Variants in MROH2B observed in about 807,000 individuals in gnomAD.
MROH2B encodes maestro heat-like repeat-containing protein family member 2B.
Under a neutral mutation model 208.6 loss-of-function variants are expected in MROH2B, and 177 were observed. The observed-to-expected ratio is 0.85, with a 90% CI of 0.75 to 0.96. The LOEUF (loss-of-function observed/expected upper bound fraction) is 0.96, where lower values mean the gene tolerates loss of function less well. Ranked by LOEUF, MROH2B falls within the 40% of genes least tolerant of loss-of-function variation. MROH2B has a pLI of 0.00. For synonymous variants in MROH2B, 728 were observed against 659.0 expected, an observed-to-expected ratio of 1.10 and a Z score of -1.60; for missense variants, 2,002 against 1,878.7, an observed-to-expected ratio of 1.07 and a Z score of -1.21.
chr5:41,019,380 G>A (rs1742070649), intron 24 of MROH2B, among the ~76,000 whole-genome samples: 1 of 152,138 alleles, frequency 6.6e-6, no homozygotes, highest in Non-Finnish European at 1.5e-5. Flanking sequence ...GAGAATGATA[G>A]AGAGAGATAT....
At chr5:41,049,528 C>T in intron 13 of MROH2B, 92 bp from the exon 14 acceptor site, 1 of 1,444,982 alleles carries the variant, frequency 6.9e-7, no homozygotes, top group South Asian at 1.5e-5. Flanking sequence ...GATTTAGAAG[C>T]TTTTCTCCTG....
rs112065077 is a variant in MROH2B, at chr5:41,055,377, G to A, written c.1033+365C>T. ...TTTCTGGAATAAAATATGGCAATTC[G>A]TTAAATTCTGCTTTTTTGTAAACGT... On this transcript the variant is annotated intron_variant, in intron 10 of 41. Coordinates refer to ENST00000399564, the MANE Select transcript of MROH2B (RefSeq NM_173489.5). Among the ~76,000 whole-genome samples, 1,149 of 152,202 alleles carry A rather than the reference G, an allele frequency of 7.5e-3. 10 individuals carry two copies. The highest frequency in any genetic ancestry group is 0.019 in the South Asian group (91 of 4,816).
At chr5:41,016,533 C>T (rs1432144325) in intron 28 of MROH2B, among the ~76,000 whole-genome samples, 1 of 109,160 alleles carries the variant, frequency 9.2e-6, no homozygotes, top group Non-Finnish European at 1.7e-5. Flanking sequence ...GAGACAGTCT[C>T]CCAGGTGTGA....
At chr5:40,999,935 C>G in intron 39 of MROH2B, 156 bp from the exon 40 acceptor site, 1 of 710,078 alleles carries the variant, frequency 1.4e-6, no homozygotes. Context: ...GTATTTTGAT[C>G]TACATTTAAT....
intron 30 of MROH2B, among the ~76,000 whole-genome samples, chr5:41,011,898 C>A (rs1741784898): frequency 6.6e-6 from 1 of 152,172 alleles, no homozygotes; most frequent in African/African-American, 2.4e-5. Context: ...AAACTCCTGT[C>A]CTCAAGTGAT....
intron 38 of MROH2B, 67 bp from the exon 39 acceptor site, chr5:41,000,418 G>A: frequency 6.3e-7 from 1 of 1,580,250 alleles, no homozygotes; most frequent in Non-Finnish European, 8.6e-7. Flanking sequence ...GGGAAAAAAT[G>A]CTGAATAGTA....
At chr5:41,011,441 T>C (rs1198127585) in intron 30 of MROH2B, among the ~76,000 whole-genome samples, 1 of 152,172 alleles carries the variant, frequency 6.6e-6, no homozygotes, top group Admixed American at 6.5e-5. Context: ...CAATTTTGGC[T>C]GTCTCATGTC....
chr5:41,024,680 C>T (rs1399968844), intron 24 of MROH2B, among the ~76,000 whole-genome samples: 5 of 152,192 alleles, frequency 3.3e-5, no homozygotes, highest in African/African-American at 4.8e-5. Context: ...CTGCACCAAG[C>T]AGACCTAGTA....
chr5:41,009,070 A>G (rs1718298383), intron 32 of MROH2B, among the ~76,000 whole-genome samples: 1 of 152,142 alleles, frequency 6.6e-6, no homozygotes, highest in Non-Finnish European at 1.5e-5. Context: ...ATATAGATAC[A>G]TAGGTTTTTT....
intron 19 of MROH2B, among the ~76,000 whole-genome samples, chr5:41,040,770 A>G (rs951881638): frequency 1.3e-5 from 2 of 151,986 alleles, no homozygotes; most frequent in African/African-American, 4.8e-5. Context: ...GGTTCACGCG[A>G]TTCTCTTGCC....
intron 1 of MROH2B, among the ~76,000 whole-genome samples, chr5:41,070,347 A>G (rs1488519701): frequency 2.0e-5 from 3 of 152,174 alleles, no homozygotes; most frequent in Non-Finnish European, 4.4e-5. Flanking sequence ...AACTGGAAAA[A>G]AAATTGAGTC....
chr5:41,058,967 G>T (rs1169920672), intron 6 of MROH2B, among the ~76,000 whole-genome samples: 1 of 148,096 alleles, frequency 6.8e-6, no homozygotes, highest in Non-Finnish European at 1.5e-5. Flanking sequence ...AGAATCACTT[G>T]AACCTGGGAG....
chr5:41,065,433 C>T lies in MROH2B; in HGVS notation c.259G>A (p.Asp87Asn). The stretch of plus-strand genomic sequence containing the variant: ...ACTTCATACATCACAGAGTTGAAAT[C>T]ATGTGCAGCAAGAGACACCAAAACC... ...GEVLVSLAAHDFNSVMYEVQS... is the reference protein window; with the variant it reads ...GEVLVSLAAHNFNSVMYEVQS... The change falls in exon 4 of 42, where the codon GAT becomes AAT. Residue 87 changes from aspartate to asparagine, a missense_variant. Transcript: ENST00000399564. The T allele has an allele frequency of 6.2e-7, 1 of 1,613,480 alleles. No homozygotes were observed. The highest frequency in any genetic ancestry group is 8.5e-7 in the Non-Finnish European group (1 of 1,179,676).
chr5:41,057,706 G>A (rs929534949), intron 7 of MROH2B, among the ~76,000 whole-genome samples: 30 of 151,360 alleles, frequency 2.0e-4, no homozygotes, highest in Non-Finnish European at 3.5e-4. Flanking sequence ...ATGGGCATGC[G>A]CCACCATGCC....
intron 9 of MROH2B, among the ~76,000 whole-genome samples, 194 bp downstream of exon 9, chr5:41,056,915 C>T (rs796896205): frequency 6.8e-4 from 103 of 152,290 alleles, no homozygotes; most frequent in African/African-American, 2.4e-3. Flanking sequence ...CATCATTGGC[C>T]ATTCTTCCCG....
rs746522727 is a variant in MROH2B, at chr5:41,005,161, A to G, written c.3865-241T>C. ...CCTGCATAACAGATGTCTAGTCTCA[A>G]TGGAAAATGGGGCAGGGAAAACAGG... is the stretch of plus-strand genomic sequence containing the variant. On this transcript the variant is annotated intron_variant, in intron 35 of 41. Coordinates refer to ENST00000399564, the MANE Select transcript of MROH2B (RefSeq NM_173489.5). 250 of 545,754 alleles carry G rather than the reference A, an allele frequency of 4.6e-4. 1 individual carries two copies. The highest frequency in any genetic ancestry group is 3.7e-4 in the Admixed American group (11 of 29,366). 33.8% of individuals were successfully genotyped at this position (545,754 alleles called of 1,614,324 possible).
In MROH2B at chr5:41,010,360, C is replaced by T. The variant is rs191715261; in HGVS notation, c.3136-281G>A. ...TTACCAAAGATGAAAAAGATGTACC[C>T]TTTTTGCAAAATGAGTGATCCAATA... is the stretch of plus-strand genomic sequence containing the variant. On this transcript the variant is annotated intron_variant, in intron 30 of 41. Coordinates refer to ENST00000399564, the MANE Select transcript of MROH2B (RefSeq NM_173489.5). Among the ~76,000 whole-genome samples the T allele has an allele frequency of 1.4e-3, 215 of 152,240 alleles. 1 individual carries two copies. The highest frequency in any genetic ancestry group is 2.3e-3 in the Non-Finnish European group (157 of 68,014).
intron 10 of MROH2B, among the ~76,000 whole-genome samples, chr5:41,055,376 C>T (rs928662518): frequency 6.6e-6 from 1 of 152,136 alleles, no homozygotes; most frequent in African/African-American, 2.4e-5. Flanking sequence ...TATGGCAATT[C>T]GTTAAATTCT....
intron 24 of MROH2B, 57 bp downstream of exon 24, chr5:41,032,685 A>T: frequency 7.2e-7 from 1 of 1,394,840 alleles, no homozygotes; most frequent in Middle Eastern, 1.8e-4. Context: ...TTAGTTGATC[A>T]GGAGGAGGAT....
Sources: allele counts gnomAD v4.1 joint callset (sites outside exome capture counted in the v4.1 genomes callset), GRCh38; gene constraint gnomAD v4.1.1; transcripts MANE v1.5; gene names NCBI Gene and HGNC (gene_info 2026-07-23, HGNC 2026-07-21).